The following CUEDC1 variants were observed in gnomAD, a reference collection of about 807,000 sequenced individuals.
CUEDC1 encodes CUE domain-containing protein 1.
A neutral mutation model predicts 43.7 loss-of-function variants in CUEDC1; 30 were observed. The observed-to-expected ratio is 0.69, with a 90% CI of 0.51 to 0.93. CUEDC1 has a LOEUF of 0.93. Ranked by LOEUF, CUEDC1 falls within the 40% of genes least tolerant of loss-of-function variation. CUEDC1 has a pLI of 0.00. For synonymous variants in CUEDC1, 223 were observed against 223.6 expected, an observed-to-expected ratio of 1.00 and a Z score of 0.02; for missense variants, 486 against 549.0, an observed-to-expected ratio of 0.89 and a Z score of 1.15.
At chr17:57,949,074 T>C (rs1325055873) in intron 1 of CUEDC1, among the ~76,000 whole-genome samples, 1 of 152,118 alleles carries the variant, frequency 6.6e-6, no homozygotes, top group Non-Finnish European at 1.5e-5. Context: ...TTAGCTCTAC[T>C]CAGAGTTCAC....
chr17:57,938,612 A>C (rs561168757), intron 1 of CUEDC1, among the ~76,000 whole-genome samples: 1 of 152,154 alleles, frequency 6.6e-6, no homozygotes, highest in South Asian at 2.1e-4. Context: ...CCAGCTAAAC[A>C]TGGACAACAG....
chr17:57,913,558 A>G (rs2074606670), intron 1 of CUEDC1, among the ~76,000 whole-genome samples: 1 of 152,118 alleles, frequency 6.6e-6, no homozygotes, highest in Non-Finnish European at 1.5e-5. Flanking sequence ...CAAGATCCCA[A>G]GTAAGTCAAA....
At chr17:57,880,498 G>A (rs2074188887) in intron 2 of CUEDC1, among the ~76,000 whole-genome samples, 2 of 152,146 alleles carry the variant, frequency 1.3e-5, no homozygotes, top group African/African-American at 4.8e-5. Flanking sequence ...GGGAGTGCCC[G>A]GGATGCCTGC....
At chr17:57,922,160 C>T (rs1400526560) in intron 1 of CUEDC1, among the ~76,000 whole-genome samples, 1 of 152,100 alleles carries the variant, frequency 6.6e-6, no homozygotes, top group African/African-American at 2.4e-5. Flanking sequence ...GCAAATGTTA[C>T]CCCTGGCTCA....
At chr17:57,878,403 G>C (rs1308994978) in intron 3 of CUEDC1, among the ~76,000 whole-genome samples, 1 of 152,146 alleles carries the variant, frequency 6.6e-6, no homozygotes, top group East Asian at 1.9e-4. Context: ...AGCTACACTT[G>C]TATGATAACA....
chr17:57,872,690 G>C lies in CUEDC1; in HGVS notation c.757C>G (p.Arg253Gly). The C allele has an allele frequency of 6.2e-7, 1 of 1,614,130 alleles. No homozygotes were observed. ...EEFMKELQRN[R>G]DFLLALERDR... ...CTCTCCAGAGCGAGGAGGAAGTCGC[G>C]GTTCCGTTGCAGCTCCTTCATGAAC... The change falls in exon 5 of 11, where the codon CGC becomes GGC. Residue 253 changes from arginine (R) to glycine (G), a missense_variant. Arg to Gly is a moderately radical substitution (Grantham distance 125). Transcript: ENST00000577830.
intron 1 of CUEDC1, among the ~76,000 whole-genome samples, chr17:57,933,500 A>G (rs183551288): frequency 1.8e-3 from 276 of 152,278 alleles, no homozygotes; most frequent in Non-Finnish European, 9.7e-4. Flanking sequence ...CATCTCCCCC[A>G]GTTCAACAGC....
At chr17:57,881,940 A>C (rs2074210790) in intron 2 of CUEDC1, among the ~76,000 whole-genome samples, 1 of 152,174 alleles carries the variant, frequency 6.6e-6, no homozygotes, top group South Asian at 2.1e-4. Flanking sequence ...GAGTAACCCC[A>C]GCAGCACTGC....
intron 3 of CUEDC1, among the ~76,000 whole-genome samples, chr17:57,877,879 C>T (rs1267032074): frequency 2.7e-5 from 3 of 111,776 alleles, no homozygotes; most frequent in South Asian, 2.8e-4. Flanking sequence ...AGTGAGACTC[C>T]GACTCAAAAA....
intron 1 of CUEDC1, among the ~76,000 whole-genome samples, chr17:57,934,178 G>A (rs1012177259): frequency 2.0e-5 from 3 of 152,124 alleles, no homozygotes; most frequent in African/African-American, 7.2e-5. Context: ...AGGATCATGA[G>A]GTCAGGAATT....
At chr17:57,881,671 G>A (rs1399592726) in intron 2 of CUEDC1, among the ~76,000 whole-genome samples, 10 of 152,150 alleles carry the variant, frequency 6.6e-5, no homozygotes, top group Non-Finnish European at 1.5e-4. Context: ...GGAGGAGAGC[G>A]CAGTAGAAAC....
intron 10 of CUEDC1, among the ~76,000 whole-genome samples, chr17:57,865,817 CTT>C (rs2073948274): frequency 7.6e-6 from 1 of 132,136 alleles, no homozygotes; most frequent in Non-Finnish European, 1.6e-5. Context: ...CTCAGTTTTT[CTT>C]TTTCTTTTTT....
chr17:57,876,379 A>G (rs188722375), intron 3 of CUEDC1, among the ~76,000 whole-genome samples: 91 of 152,130 alleles, frequency 6.0e-4, no homozygotes, highest in Non-Finnish European at 1.1e-3. Flanking sequence ...CTGCTTCTCC[A>G]CATTACTGCC....
In CUEDC1 at chr17:57,872,127, C is replaced by T. The variant is rs567591716; in HGVS notation, c.784+536G>A. On this transcript the variant is annotated intron_variant, in intron 5 of 10. Transcript: ENST00000577830. ...CACAGCCCTCTCGTCTCCTCTACCCCAAACGCACTCCCACCCTGCAGGGGA... is the reference window on the plus strand; with the variant it reads ...CACAGCCCTCTCGTCTCCTCTACCCTAAACGCACTCCCACCCTGCAGGGGA... Among the ~76,000 whole-genome samples, 38 of 152,342 alleles carry T rather than the reference C, an allele frequency of 2.5e-4. No individual in the cohort carries two copies. In the South Asian group the frequency reaches 7.7e-3, roughly 31 times the overall value.
intron 1 of CUEDC1, among the ~76,000 whole-genome samples, chr17:57,940,015 C>T (rs1369270072): frequency 6.6e-6 from 1 of 151,958 alleles, no homozygotes; most frequent in Admixed American, 6.6e-5. Flanking sequence ...TCAAATAGCT[C>T]GAGCTGGTTT....
chr17:57,880,110 A>C (rs73992334), intron 2 of CUEDC1, among the ~76,000 whole-genome samples: 6,117 of 152,108 alleles, frequency 0.04, 390 homozygotes, highest in African/African-American at 0.14. Flanking sequence ...TACCAGGGGC[A>C]CTCCAGGTTC....
intron 3 of CUEDC1, among the ~76,000 whole-genome samples, chr17:57,876,055 C>T (rs1022370329): frequency 1.3e-5 from 2 of 152,146 alleles, no homozygotes; most frequent in African/African-American, 2.4e-5. Flanking sequence ...GTTCTCGGCA[C>T]CCCAGTGACT....
intron 2 of CUEDC1, among the ~76,000 whole-genome samples, chr17:57,881,719 C>T (rs1355779691): frequency 1.3e-5 from 2 of 152,184 alleles, no homozygotes; most frequent in East Asian, 3.9e-4. Context: ...TTCCCCTGAC[C>T]ATGGCTAGTG....
intron 1 of CUEDC1, among the ~76,000 whole-genome samples, chr17:57,916,762 C>A (rs543905300): frequency 4.6e-5 from 7 of 152,178 alleles, no homozygotes; most frequent in Non-Finnish European, 7.3e-5. Context: ...AACTCCCAGA[C>A]GGAAATCCAC....
Sources: gnomAD v4.1 joint callset for allele counts (sites outside exome capture counted in the v4.1 genomes callset) on GRCh38, gnomAD v4.1.1 for gene constraint, MANE v1.5 for transcripts, NCBI Gene and HGNC (gene_info 2026-07-23, HGNC 2026-07-21) for gene names.